The following ATP9A variants were observed in gnomAD, a reference collection of about 807,000 sequenced individuals.
ATP9A encodes the protein probable phospholipid-transporting ATPase IIA.
A neutral mutation model predicts 144.1 loss-of-function variants in ATP9A; 52 were observed. The observed-to-expected ratio is 0.36, with a 90% confidence interval of 0.29 to 0.45. The LOEUF is 0.45. Ranked by LOEUF, ATP9A falls within the 20% of genes least tolerant of loss-of-function variation. The probability of loss-of-function intolerance (pLI) is 1.00; values close to 1 mark genes in which losing one functional copy is unlikely to be tolerated. For missense variants in ATP9A, 947 were observed against 1,392.7 expected, an observed-to-expected ratio of 0.68 and a Z score of 5.09; for synonymous variants, 582 against 557.4, an observed-to-expected ratio of 1.04 and a Z score of -0.62.
At position 51,768,352 on chromosome 20, in the gene ATP9A, C is replaced by T. The variant is rs2077915255; in HGVS notation, c.18G>A (p.Pro6=). Residue 6 remains proline, a synonymous_variant, in exon 1 of 28, where the codon CCG becomes CCA. Coordinates refer to ENST00000338821, the MANE Select transcript of ATP9A (RefSeq NM_006045.3). MTDNI[P]LQPVRQKKRM... ...GCTTCTTCTGGCGCACCGGCTGCAG[C>T]GGGATGTTGTCCGTCATGTCGGCGG... 1 of 1,297,430 alleles carries T rather than the reference C, an allele frequency of 7.7e-7. No homozygotes were observed. 80.4% of individuals were successfully genotyped at this position (1,297,430 alleles called of 1,614,324 possible). A position where few individuals can be genotyped will look rare whatever the true frequency, so the allele number is the denominator to read the frequency against.
At chr20:51,721,694 G>A (rs1190630437) in intron 3 of ATP9A, among the ~76,000 whole-genome samples, 43 of 151,286 alleles carry the variant, frequency 2.8e-4, no homozygotes, top group African/African-American at 3.9e-4. Flanking sequence ...CCAGCTACTC[G>A]GGAGGCTGAG....
intron 1 of ATP9A, among the ~76,000 whole-genome samples, chr20:51,736,594 T>C (rs2077763845): frequency 6.6e-6 from 1 of 151,614 alleles, no homozygotes; most frequent in Non-Finnish European, 1.5e-5. Flanking sequence ...GCTCAAGCTA[T>C]CCTCCTGACT....
In ATP9A at chr20:51,730,090, A is replaced by G. The variant is rs949261165; in HGVS notation, c.69-112T>C. ...TCTACAGCATCTTCTCTGGCTCAGG[A>G]CCACAGCCATATTTGAGGCTTCATC... On this transcript the variant is annotated intron_variant, in intron 1 of 27. Coordinates refer to ENST00000338821, the MANE Select transcript of ATP9A (RefSeq NM_006045.3). The G allele has an allele frequency of 9.3e-5, 110 of 1,185,294 alleles. 1 individual carries two copies. The highest frequency in any genetic ancestry group is 1.1e-4 in the Non-Finnish European group (101 of 906,856). 73.4% of individuals were successfully genotyped at this position (1,185,294 alleles called of 1,614,324 possible).
intron 21 of ATP9A, among the ~76,000 whole-genome samples, chr20:51,617,876 T>C (rs1047201962): frequency 1.3e-5 from 2 of 152,182 alleles, no homozygotes; most frequent in East Asian, 1.9e-4. Flanking sequence ...CAGCAACTTG[T>C]AGTGCTCTTA....
rs3030165 is a variant in ATP9A, at chr20:51,728,626, C to CAAA, written c.213+1205_213+1207dup. 4.6e-3 allele frequency among the ~76,000 whole-genome samples: 594 copies of CAAA among 129,860 alleles called. 1 individual carries two copies. Among genetic ancestry groups the CAAA allele is most frequent in the African/African-American group, 9.6e-3 (323 of 33,552 alleles). The allele number at this position is 129,860 out of a possible 152,430, so 85.2% of individuals were successfully genotyped here. A position where few individuals can be genotyped will look rare whatever the true frequency, so the allele number is the denominator to read the frequency against. ...TGGGCGACAGAGCGAGACTCCATCT[C>CAAA]AAAAAAAAAAAAAAAAATTCAAATT... On this transcript the variant is annotated intron_variant, in intron 2 of 27. Coordinates refer to ENST00000338821, the MANE Select transcript of ATP9A (RefSeq NM_006045.3).
At chr20:51,620,159 T>C (rs1281240897) in intron 19 of ATP9A, among the ~76,000 whole-genome samples, 1 of 152,166 alleles carries the variant, frequency 6.6e-6, no homozygotes, top group South Asian at 2.1e-4. Context: ...GAGGACCACA[T>C]GGTCTCCATC....
intron 1 of ATP9A, among the ~76,000 whole-genome samples, chr20:51,760,920 T>C (rs907348774): frequency 2.6e-4 from 39 of 151,832 alleles, no homozygotes; most frequent in Non-Finnish European, 1.5e-5. Context: ...TCCCAGCTAC[T>C]TGGGAGGCTG....
At position 51,598,483 on chromosome 20, in the gene ATP9A, TTATG is replaced by T. The variant is rs1438475407; in HGVS notation, c.*2724_*2727del. ...CCCAGGTGACAGTGTCAATGGCGCT[TTATG>T]TAAGTTCTTTCCAGATTGATGAACC... On this transcript the variant is annotated 3_prime_UTR_variant, in exon 28 of 28. Coordinates refer to ENST00000338821, the MANE Select transcript of ATP9A (RefSeq NM_006045.3). The T allele has an allele frequency of 6.6e-6, 1 of 152,006 alleles. No homozygotes were observed. The highest frequency in any genetic ancestry group is 1.5e-5 in the Non-Finnish European group (1 of 67,998). The allele number at this position is 152,006 out of a possible 1,614,324, so 9.4% of individuals were successfully genotyped here.
At chr20:51,727,653 C>T (rs1452773474) in intron 2 of ATP9A, among the ~76,000 whole-genome samples, 3 of 152,038 alleles carry the variant, frequency 2.0e-5, no homozygotes, top group Admixed American at 6.6e-5. Context: ...GTTAAATGGC[C>T]GCACACAGTG....
intron 13 of ATP9A, among the ~76,000 whole-genome samples, chr20:51,661,539 T>TA (rs1329999844): frequency 1.3e-5 from 2 of 149,950 alleles, no homozygotes; most frequent in Non-Finnish European, 3.0e-5. Flanking sequence ...TTTTTTTTTT[T>TA]TTTTTTTTTT....
intron 1 of ATP9A, among the ~76,000 whole-genome samples, chr20:51,746,384 C>A (rs1270825465): frequency 1.3e-5 from 2 of 152,208 alleles, no homozygotes; most frequent in Non-Finnish European, 1.5e-5. Flanking sequence ...TTATGGACAG[C>A]AGTTGTTAAG....
At position 51,632,843 on chromosome 20, in the gene ATP9A, C is replaced by T. The variant is rs148341904; in HGVS notation, c.1669-3771G>A. Among the ~76,000 whole-genome samples, 512 of 152,244 alleles carry T rather than the reference C, an allele frequency of 3.4e-3. 3 individuals are homozygous for T. Among genetic ancestry groups the T allele is most frequent in the African/African-American group, 0.012 (494 of 41,542 alleles). ...TTAGTAGTCAAAACCAAGAAAAAAG[C>T]GAGGCGCAGTGGCTCACACCTGTAA... On this transcript the variant is annotated intron_variant, in intron 15 of 27. Transcript: ENST00000338821.
chr20:51,696,771 G>A (rs539073211), intron 5 of ATP9A, among the ~76,000 whole-genome samples: 2 of 152,244 alleles, frequency 1.3e-5, no homozygotes, highest in East Asian at 1.9e-4. Flanking sequence ...CCCTTTAAAA[G>A]AGCATAGCTC....
chr20:51,662,560 AT>A (rs1420123410), intron 13 of ATP9A, among the ~76,000 whole-genome samples: 29 of 120,380 alleles, frequency 2.4e-4, no homozygotes, highest in East Asian at 9.6e-4. Context: ...AAAAAAAAAA[AT>A]TTTTTTTCAC....
At chr20:51,703,060 T>C (rs114296780) in intron 4 of ATP9A, among the ~76,000 whole-genome samples, 278 of 152,290 alleles carry the variant, frequency 1.8e-3, no homozygotes, top group African/African-American at 6.4e-3. Context: ...ACCAATACAC[T>C]CCCAGCTTGG....
chr20:51,631,678 C>T (rs554196178), intron 15 of ATP9A, among the ~76,000 whole-genome samples: 3 of 152,280 alleles, frequency 2.0e-5, no homozygotes, highest in East Asian at 1.9e-4. Flanking sequence ...CTTTTCCCAC[C>T]GTGGTCTGCA....
intron 14 of ATP9A, among the ~76,000 whole-genome samples, chr20:51,653,813 C>T (rs529283981): frequency 5.9e-5 from 9 of 151,752 alleles, no homozygotes; most frequent in African/African-American, 2.2e-4. Flanking sequence ...CGCCTGTAGT[C>T]CCAGCACTAT....
chr20:51,719,604 G>A (rs868722666), intron 3 of ATP9A, among the ~76,000 whole-genome samples: 6 of 150,756 alleles, frequency 4.0e-5, no homozygotes, highest in Admixed American at 2.6e-4. Flanking sequence ...GTGGTGGCAC[G>A]CACCTGTAGT....
At chr20:51,758,358 C>A (rs1343526156) in intron 1 of ATP9A, among the ~76,000 whole-genome samples, 4 of 152,174 alleles carry the variant, frequency 2.6e-5, no homozygotes, top group African/African-American at 4.8e-5. Flanking sequence ...CCTGAAGACA[C>A]GTCCCAACCC....
Sources: gnomAD v4.1 joint callset for allele counts (sites outside exome capture counted in the v4.1 genomes callset) on GRCh38, gnomAD v4.1.1 for gene constraint, MANE v1.5 for transcripts, NCBI Gene and HGNC (gene_info 2026-07-23, HGNC 2026-07-21) for gene names.